Variants in BBS9 observed in about 807,000 individuals in gnomAD.
BBS9 encodes the protein protein PTHB1.
In BBS9, 89 loss-of-function variants were observed where a neutral mutation model predicts 117.7. That is an observed-to-expected ratio of 0.76 (90% CI 0.64 to 0.90). The LOEUF (loss-of-function observed/expected upper bound fraction) is 0.90. Among genes scored for constraint, BBS9 ranks in the 40% least tolerant of loss-of-function variants. BBS9 has a pLI of 0.00. For missense variants in BBS9, 982 were observed against 1,042.2 expected (o/e 0.94, Z 0.80); for synonymous variants, 379 against 370.9 (o/e 1.02, Z -0.25).
intron 21 of BBS9, among the ~76,000 whole-genome samples, chr7:33,627,201 C>G (rs1373081947): frequency 6.6e-6 from 1 of 152,214 alleles, no homozygotes; most frequent in Non-Finnish European, 1.5e-5. Context: ...CTAAAAGGGT[C>G]CCAGATACAT....
chr7:33,624,588 A>C (rs904174278), intron 21 of BBS9, among the ~76,000 whole-genome samples: 1 of 152,178 alleles, frequency 6.6e-6, no homozygotes, highest in Non-Finnish European at 1.5e-5. Context: ...GTGGTGTTTC[A>C]CACATTCCAG....
At chr7:33,258,215 C>T (rs1797403762) in intron 6 of BBS9, among the ~76,000 whole-genome samples, 1 of 152,120 alleles carries the variant, frequency 6.6e-6, no homozygotes, top group African/African-American at 2.4e-5. Context: ...CTGGTGGCAA[C>T]ATTTGGAAGT....
chr7:33,444,839 A>T (rs1028115554), intron 19 of BBS9, among the ~76,000 whole-genome samples: 3 of 152,192 alleles, frequency 2.0e-5, no homozygotes, highest in Non-Finnish European at 4.4e-5. Context: ...CTCCCTGCTC[A>T]CAACTGAAGA....
chr7:33,377,445 G>A (rs1178478350), intron 17 of BBS9, among the ~76,000 whole-genome samples: 2 of 152,106 alleles, frequency 1.3e-5, no homozygotes, highest in South Asian at 2.1e-4. Flanking sequence ...GTCTGAAGTA[G>A]GGCAATGTGA....
At chr7:33,426,726 A>G (rs1473956018) in intron 19 of BBS9, among the ~76,000 whole-genome samples, 2 of 152,152 alleles carry the variant, frequency 1.3e-5, no homozygotes, top group Non-Finnish European at 2.9e-5. Context: ...ATTTAACTAC[A>G]GAACACCTTG....
At chr7:33,361,472 G>C (rs1225242987) in intron 16 of BBS9, among the ~76,000 whole-genome samples, 2 of 151,972 alleles carry the variant, frequency 1.3e-5, no homozygotes, top group African/African-American at 4.8e-5. Context: ...GAGTTAATGG[G>C]TATGCATATT....
chr7:33,616,493 G>GTGTATA (rs375605829), intron 21 of BBS9, among the ~76,000 whole-genome samples: 11 of 136,420 alleles, frequency 8.1e-5, no homozygotes, highest in Non-Finnish European at 1.3e-4. Context: ...GTGTGTGTGT[G>GTGTATA]TATATATATA....
chr7:33,232,365 A>T (rs1192668880), intron 5 of BBS9, among the ~76,000 whole-genome samples: 1 of 152,146 alleles, frequency 6.6e-6, no homozygotes, highest in African/African-American at 2.4e-5. Context: ...CTTTAATACT[A>T]AAGTTTAGAT....
At chr7:33,164,358 C>G (rs1184743561) in intron 4 of BBS9, among the ~76,000 whole-genome samples, 4 of 152,070 alleles carry the variant, frequency 2.6e-5, no homozygotes, top group African/African-American at 4.8e-5. Flanking sequence ...GCTTGGTGCA[C>G]AGCTGAGTTC....
At position 33,229,575 on chromosome 7, in the gene BBS9, T is replaced by C. The variant is rs192222395; in HGVS notation, c.443-27661T>C. ...GTGGCAAATGGCAAGATCCCATTCT[T>C]TCTTAGATAACAAATATTTATAGTA... On this transcript the variant is annotated intron_variant, in intron 5 of 22. Coordinates refer to ENST00000242067, the MANE Select transcript of BBS9 (RefSeq NM_198428.3). 9.7e-5 allele frequency among the ~76,000 whole-genome samples: 13 copies of C among 134,386 alleles called. No homozygotes were observed. The East Asian group carries it at 2.5e-3, about 26-fold the overall frequency. 88.2% of individuals were successfully genotyped at this position (134,386 alleles called of 152,430 possible). A position where few individuals can be genotyped will look rare whatever the true frequency, so the allele number is the denominator to read the frequency against.
intron 19 of BBS9, among the ~76,000 whole-genome samples, chr7:33,489,765 G>C (rs1843649839): frequency 6.6e-6 from 1 of 152,122 alleles, no homozygotes; most frequent in East Asian, 1.9e-4. Flanking sequence ...CTTTCCTGAA[G>C]CTTCACGTGC....
At chr7:33,623,385 C>T (rs1021723308) in intron 21 of BBS9, among the ~76,000 whole-genome samples, 3 of 151,998 alleles carry the variant, frequency 2.0e-5, no homozygotes, top group Non-Finnish European at 4.4e-5. Flanking sequence ...CTACAAATAC[C>T]AGTTGGAAAG....
intron 21 of BBS9, among the ~76,000 whole-genome samples, chr7:33,585,880 A>C (rs1374479676): frequency 1.3e-5 from 2 of 151,990 alleles, no homozygotes; most frequent in African/African-American, 4.8e-5. Flanking sequence ...CTTTGGTAGA[A>C]AATACTCATG....
At chr7:33,585,597 T>A (rs4723295) in intron 21 of BBS9, among the ~76,000 whole-genome samples, 2 of 151,974 alleles carry the variant, frequency 1.3e-5, no homozygotes, top group African/African-American at 4.8e-5. Flanking sequence ...TCTAGATCAC[T>A]ATTAAATGAG....
intron 9 of BBS9, among the ~76,000 whole-genome samples, chr7:33,307,555 C>A (rs917909631): frequency 4.0e-5 from 6 of 151,836 alleles, no homozygotes; most frequent in African/African-American, 1.5e-4. Flanking sequence ...GGAATTCCTG[C>A]AGATCCAAAA....
At chr7:33,328,992 C>CA (rs1813405900) in intron 9 of BBS9, among the ~76,000 whole-genome samples, 2 of 112,522 alleles carry the variant, frequency 1.8e-5, no homozygotes, top group Non-Finnish European at 3.9e-5. Flanking sequence ...GGTTTTCCTT[C>CA]TTTTATTTAT....
At chr7:33,335,308 A>T (rs750718864) in intron 9 of BBS9, among the ~76,000 whole-genome samples, 10 of 152,172 alleles carry the variant, frequency 6.6e-5, no homozygotes, top group Non-Finnish European at 1.2e-4. Context: ...GGCTTAAGTG[A>T]TTCTTTGCCT....
intron 5 of BBS9, among the ~76,000 whole-genome samples, chr7:33,233,190 G>A (rs965055677): frequency 2.6e-5 from 4 of 152,004 alleles, no homozygotes; most frequent in African/African-American, 9.7e-5. Flanking sequence ...GGTGGCTATT[G>A]GTGATGCGAA....
chr7:33,610,209 C>T (rs992530631), downstream of BBS9, among the ~76,000 whole-genome samples: 4 of 151,988 alleles, frequency 2.6e-5, no homozygotes, highest in South Asian at 8.3e-4. Context: ...TGTTAATTTC[C>T]TCCATGGTTG....
Sources: gnomAD v4.1 joint callset for allele counts (sites outside exome capture counted in the v4.1 genomes callset) on GRCh38, gnomAD v4.1.1 for gene constraint, MANE v1.5 for transcripts, NCBI Gene and HGNC (gene_info 2026-07-23, HGNC 2026-07-21) for gene names.